The following PCDH7 variants were observed in gnomAD, a reference collection of about 807,000 sequenced individuals.
PCDH7 encodes the protein protocadherin-7.
PCDH7 carries 17 observed loss-of-function variants against 58.9 expected under a neutral mutation model. That is an observed-to-expected ratio of 0.29 (90% CI 0.20 to 0.43). PCDH7 has a LOEUF of 0.43. Among genes scored for constraint, PCDH7 ranks in the 20% least tolerant of loss-of-function variants. PCDH7 has a pLI of 1.00. For missense variants in PCDH7, 1,274 were observed against 1,441.0 expected (o/e 0.88, Z 1.88); for synonymous variants, 664 against 616.4 (o/e 1.08, Z -1.14).
intron 1 of PCDH7, among the ~76,000 whole-genome samples, chr4:30,728,009 TC>T (rs1182358406): frequency 6.6e-6 from 1 of 151,794 alleles, no homozygotes; most frequent in East Asian, 1.9e-4. Context: ...TGAATAAACA[TC>T]CATTTTAAAA....
chr4:30,825,434 C>T (rs537596991), intron 1 of PCDH7, among the ~76,000 whole-genome samples: 1 of 151,954 alleles, frequency 6.6e-6, no homozygotes, highest in Non-Finnish European at 1.5e-5. Flanking sequence ...TGCCCATGAA[C>T]CTTTAGGAAT....
chr4:30,748,752 G>A (rs1718100982), intron 1 of PCDH7, among the ~76,000 whole-genome samples: 1 of 152,100 alleles, frequency 6.6e-6, no homozygotes, highest in African/African-American at 2.4e-5. Flanking sequence ...TGTGATATTG[G>A]CCATTCAGGG....
intron 1 of PCDH7, among the ~76,000 whole-genome samples, chr4:30,864,128 A>G (rs1271735781): frequency 6.6e-6 from 1 of 151,236 alleles, no homozygotes; most frequent in East Asian, 1.9e-4. Flanking sequence ...TTTTTTTTGT[A>G]TTGATTTTTC....
chr4:31,060,601 G>T (rs550081082), intron 3 of PCDH7, among the ~76,000 whole-genome samples: 1 of 151,834 alleles, frequency 6.6e-6, no homozygotes, highest in South Asian at 2.1e-4. Context: ...TATGCCTTAA[G>T]TTTTAAATAT....
At chr4:30,919,920 G>A (rs991795869) in intron 1 of PCDH7, among the ~76,000 whole-genome samples, 1 of 151,956 alleles carries the variant, frequency 6.6e-6, no homozygotes, top group African/African-American at 2.4e-5. Context: ...TGAAATTACT[G>A]TTTTTTTATC....
Position 30,834,674 on chromosome 4 carries a change from A to C in PCDH7, c.71-85479A>C, listed in dbSNP as rs541895297. Among the ~76,000 whole-genome samples, 3 of 152,258 alleles carry C rather than the reference A, an allele frequency of 2.0e-5. No individual in the cohort carries two copies. The East Asian group carries it at 5.8e-4, about 29-fold the overall frequency. ...TAATAGAGATGAAAGTAAAAAAAAA[A>C]AAAACCTGAGTCTCTTCCAAGACAT... On this transcript the variant is annotated intron_variant, in intron 1 of 3. Coordinates refer to the PCDH7 transcript ENST00000509759.
chr4:31,107,235 T>C (rs1408900415), intron 3 of PCDH7, among the ~76,000 whole-genome samples: 1 of 152,126 alleles, frequency 6.6e-6, no homozygotes, highest in Admixed American at 6.5e-5. Flanking sequence ...CATGAATACG[T>C]GGGTGAAATA....
chr4:30,790,949 C>G (rs1411186491), intron 1 of PCDH7, among the ~76,000 whole-genome samples: 1 of 150,756 alleles, frequency 6.6e-6, no homozygotes, highest in Non-Finnish European at 1.5e-5. Flanking sequence ...AACAAACAAA[C>G]AAAAAACAAT....
chr4:30,839,118 G>A (rs1690097289), intron 1 of PCDH7, among the ~76,000 whole-genome samples: 1 of 151,462 alleles, frequency 6.6e-6, no homozygotes, highest in Non-Finnish European at 1.5e-5. Flanking sequence ...GTTATATGTA[G>A]TATATATAAT....
At chr4:31,024,232 A>G (rs546267299) in intron 3 of PCDH7, among the ~76,000 whole-genome samples, 136 of 152,248 alleles carry the variant, frequency 8.9e-4, no homozygotes, top group Middle Eastern at 3.4e-3. Flanking sequence ...ATGAAACACA[A>G]TTTCCTTTAA....
At chr4:30,863,989 G>A (rs1006411612) in intron 1 of PCDH7, among the ~76,000 whole-genome samples, 5 of 152,090 alleles carry the variant, frequency 3.3e-5, no homozygotes, top group African/African-American at 7.2e-5. Flanking sequence ...TAGCTAGAGC[G>A]CATGACAGTA....
At chr4:31,091,672 T>G (rs1330264114) in intron 3 of PCDH7, among the ~76,000 whole-genome samples, 1 of 151,950 alleles carries the variant, frequency 6.6e-6, no homozygotes, top group Non-Finnish European at 1.5e-5. Flanking sequence ...TATCCTAGTT[T>G]AATTCCCACT....
At chr4:31,090,329 T>C (rs778765494) in intron 3 of PCDH7, among the ~76,000 whole-genome samples, 1 of 152,154 alleles carries the variant, frequency 6.6e-6, no homozygotes, top group Admixed American at 6.6e-5. Context: ...GTACATGAGA[T>C]ATTTTGATAC....
At chr4:31,067,374 C>CAAAAAAAA (rs10715937) in intron 3 of PCDH7, among the ~76,000 whole-genome samples, 1 of 109,652 alleles carries the variant, frequency 9.1e-6, no homozygotes. Context: ...ATCACTGAGA[C>CAAAAAAAA]AAAAAAAAAA....
Position 30,781,349 on chromosome 4 carries a change from C to T in PCDH7, c.70+56753C>T, listed in dbSNP as rs563576440. Reference sequence around the variant, plus strand: ...CACAGACAGAATTTCACCGTGTTAGCCAGGATGTTCTCGATCTCCTGACCT... The same window carrying T: ...CACAGACAGAATTTCACCGTGTTAGTCAGGATGTTCTCGATCTCCTGACCT... On this transcript the variant is annotated intron_variant, in intron 1 of 3. Transcript: ENST00000509759. 3.3e-5 allele frequency among the ~76,000 whole-genome samples: 5 copies of T among 151,732 alleles called. No homozygotes were observed. In the South Asian group the frequency reaches 6.3e-4, roughly 19 times the overall value.
At position 30,984,664 on chromosome 4, in the gene PCDH7, T is replaced by C. The variant is rs1407607540; in HGVS notation, c.*7+34449T>C. On this transcript the variant is annotated intron_variant, in intron 3 of 3. Transcript: ENST00000509759. ...ATATGTAATTCCCAAAATTTGTGTGTTCTTGTGAGTCACCTCTAAAGGTGG... is the reference window on the plus strand; with the variant it reads ...ATATGTAATTCCCAAAATTTGTGTGCTCTTGTGAGTCACCTCTAAAGGTGG... 2.0e-5 allele frequency among the ~76,000 whole-genome samples: 3 copies of C among 151,610 alleles called. No individual in the cohort carries two copies. The East Asian group carries it at 5.8e-4, about 30-fold the overall frequency.
intron 1 of PCDH7, among the ~76,000 whole-genome samples, chr4:30,817,192 C>T (rs1196409811): frequency 6.6e-6 from 1 of 152,150 alleles, no homozygotes; most frequent in African/African-American, 2.4e-5. Context: ...AAGATATTTA[C>T]TTGCTATGGG....
chr4:31,015,386 T>C (rs1157484774), intron 3 of PCDH7, among the ~76,000 whole-genome samples: 1 of 152,188 alleles, frequency 6.6e-6, no homozygotes, highest in South Asian at 2.1e-4. Context: ...TCCCAGTGTG[T>C]TTTATAGGTT....
chr4:30,792,713 G>C (rs1296951000), intron 1 of PCDH7, among the ~76,000 whole-genome samples: 1 of 152,102 alleles, frequency 6.6e-6, no homozygotes, highest in Non-Finnish European at 1.5e-5. Flanking sequence ...TTCTATCTCA[G>C]TAGGAGCTGA....
Sources: gnomAD v4.1 joint callset for allele counts (sites outside exome capture counted in the v4.1 genomes callset) on GRCh38, gnomAD v4.1.1 for gene constraint, MANE v1.5 for transcripts, NCBI Gene and HGNC (gene_info 2026-07-23, HGNC 2026-07-21) for gene names.